RBFOX1: variants seen among roughly 807,000 people sequenced by gnomAD.
RBFOX1 encodes the protein RNA binding protein fox-1 homolog 1.
In RBFOX1, 8 loss-of-function variants were observed where a neutral mutation model predicts 57.7. The ratio of observed to expected loss-of-function variants is 0.14; its 90% CI spans 0.08 to 0.25. RBFOX1 has a LOEUF of 0.25. RBFOX1 is among the 10% of genes least tolerant of loss of function. RBFOX1 has a pLI of 1.00. For missense variants in RBFOX1, 611 were observed against 548.5 expected (o/e 1.11, Z -1.14); for synonymous variants, 326 against 222.4 (o/e 1.47, Z -4.15).
intron 4 of RBFOX1, among the ~76,000 whole-genome samples, chr16:7,278,094 A>T (rs2095474777): frequency 6.6e-6 from 1 of 152,202 alleles, no homozygotes; most frequent in African/African-American, 2.4e-5. Context: ...TTGGTTGCTT[A>T]ATGAATCCAT....
intron 2 of RBFOX1, among the ~76,000 whole-genome samples, chr16:6,637,566 C>G (rs534199052): frequency 7.7e-6 from 1 of 129,960 alleles, no homozygotes; most frequent in African/African-American, 2.9e-5. Flanking sequence ...ATATAATATT[C>G]TATATAGTAT....
At chr16:6,575,712 A>G (rs2097423679) in intron 2 of RBFOX1, among the ~76,000 whole-genome samples, 1 of 151,768 alleles carries the variant, frequency 6.6e-6, no homozygotes, top group Non-Finnish European at 1.5e-5. Context: ...ACAGAAATTA[A>G]CTGGTGTGGT....
At chr16:7,256,478 C>T (rs1175926462) in intron 4 of RBFOX1, among the ~76,000 whole-genome samples, 2 of 152,314 alleles carry the variant, frequency 1.3e-5, no homozygotes, top group South Asian at 4.1e-4. Context: ...CACCAAGGAG[C>T]CTTTTTAGAC....
intron 1 of RBFOX1, among the ~76,000 whole-genome samples, chr16:5,297,172 G>A (rs1173641113): frequency 1.3e-5 from 2 of 152,176 alleles, no homozygotes; most frequent in Non-Finnish European, 1.5e-5. Context: ...GGATACTTAG[G>A]TTGATGCCAT....
intron 3 of RBFOX1, among the ~76,000 whole-genome samples, chr16:6,729,649 T>C (rs2068049168): frequency 6.6e-6 from 1 of 152,202 alleles, no homozygotes; most frequent in Admixed American, 6.5e-5. Flanking sequence ...CATTCTCTTC[T>C]AACTTTAGAC....
chr16:7,522,252 G>T (rs2077669128), intron 5 of RBFOX1, among the ~76,000 whole-genome samples: 1 of 152,148 alleles, frequency 6.6e-6, no homozygotes, highest in Admixed American at 6.5e-5. Flanking sequence ...AGCTTGAATT[G>T]GTGTTAATCA....
chr16:5,542,525 G>C (rs1430011476), intron 2 of RBFOX1, among the ~76,000 whole-genome samples: 1 of 151,534 alleles, frequency 6.6e-6, no homozygotes, highest in Non-Finnish European at 1.5e-5. Context: ...CCAAAGTGCT[G>C]GGGTTACAGG....
intron 3 of RBFOX1, among the ~76,000 whole-genome samples, chr16:5,783,502 A>G (rs1597235417): frequency 6.6e-6 from 1 of 152,338 alleles, no homozygotes; most frequent in East Asian, 1.9e-4. Context: ...AGTGGATAGA[A>G]AAAAATCACC....
rs570205192 is a variant in RBFOX1, at chr16:7,484,706, C to T, written c.28-33441C>T. On this transcript the variant is annotated intron_variant, in intron 4 of 15. Coordinates refer to ENST00000550418, the MANE Select transcript of RBFOX1 (RefSeq NM_018723.4). ...CTTGAACTCCTGGCCTCAGGTGATC[C>T]GCTCGCTTCAGCCTCCCAAAGTTCT... Among the ~76,000 whole-genome samples, 314 of 152,272 alleles carry T rather than the reference C, an allele frequency of 2.1e-3. 2 individuals are homozygous for T. The highest frequency in any genetic ancestry group is 6.8e-3 in the African/African-American group (284 of 41,546).
At chr16:6,706,179 C>T (rs1317721019) in intron 3 of RBFOX1, among the ~76,000 whole-genome samples, 2 of 152,114 alleles carry the variant, frequency 1.3e-5, no homozygotes, top group African/African-American at 4.8e-5. Context: ...TTTACTGCTC[C>T]CGTGAATAGG....
At chr16:7,203,930 T>C (rs1427959633) in intron 4 of RBFOX1, among the ~76,000 whole-genome samples, 26 of 152,262 alleles carry the variant, frequency 1.7e-4, no homozygotes, top group Admixed American at 1.7e-3. Flanking sequence ...CATTTACATA[T>C]GATTTGCATC....
At chr16:6,649,862 T>C (rs1413623583) in intron 2 of RBFOX1, among the ~76,000 whole-genome samples, 2 of 152,322 alleles carry the variant, frequency 1.3e-5, no homozygotes, top group Non-Finnish European at 2.9e-5. Flanking sequence ...ATTGTATTCA[T>C]CTATGTATAG....
At chr16:5,483,701 G>T (rs1345989961) in intron 2 of RBFOX1, among the ~76,000 whole-genome samples, 1 of 152,170 alleles carries the variant, frequency 6.6e-6, no homozygotes, top group African/African-American at 2.4e-5. Flanking sequence ...GCACTGTTGG[G>T]TGAATACAGA....
intron 2 of RBFOX1, among the ~76,000 whole-genome samples, chr16:5,597,459 C>T (rs1169087638): frequency 5.0e-5 from 7 of 141,086 alleles, no homozygotes; most frequent in South Asian, 2.3e-4. Context: ...AGTGCAATGG[C>T]GGTGGTCTTG....
intron 3 of RBFOX1, among the ~76,000 whole-genome samples, chr16:5,831,560 GCT>G (rs142745616): frequency 0.017 from 2,528 of 151,362 alleles, 36 homozygotes; most frequent in Non-Finnish European, 0.027. Context: ...CACAATCTCA[GCT>G]CGCTGCAACC....
intron 5 of RBFOX1, among the ~76,000 whole-genome samples, chr16:7,521,903 G>T (rs1210179259): frequency 6.6e-6 from 1 of 152,194 alleles, no homozygotes; most frequent in Non-Finnish European, 1.5e-5. Flanking sequence ...ATCCTGAGTT[G>T]GCTTCCTCGT....
rs977703199 is a variant in RBFOX1, at chr16:7,052,234, C to T, written c.27+136C>T. 15 of 1,344,984 alleles carry T rather than the reference C, an allele frequency of 1.1e-5. No individual in the cohort carries two copies. The Middle Eastern group carries it at 1.1e-3, about 101-fold the overall frequency. 83.3% of individuals were successfully genotyped at this position (1,344,984 alleles called of 1,614,324 possible). ...GACTGGTAGAGTTGAAAATATTTAT[C>T]CCAGCTTATTTAGTATTGATTGAGC... On this transcript the variant is annotated intron_variant, in intron 4 of 15. Transcript: ENST00000550418.
At chr16:5,620,329 T>C (rs1456388774) in intron 3 of RBFOX1, among the ~76,000 whole-genome samples, 1 of 152,100 alleles carries the variant, frequency 6.6e-6, no homozygotes, top group African/African-American at 2.4e-5. Flanking sequence ...CTACACATGG[T>C]GTGGAGAGAC....
chr16:7,391,666 G>T (rs1463106125), intron 4 of RBFOX1, among the ~76,000 whole-genome samples: 1 of 152,186 alleles, frequency 6.6e-6, no homozygotes, highest in Non-Finnish European at 1.5e-5. Flanking sequence ...TTTGGTTTAT[G>T]ATACTCTTCC....
Sources: gnomAD v4.1 joint callset for allele counts (sites outside exome capture counted in the v4.1 genomes callset) on GRCh38, gnomAD v4.1.1 for gene constraint, MANE v1.5 for transcripts, NCBI Gene and HGNC (gene_info 2026-07-23, HGNC 2026-07-21) for gene names.